The following GDPD5 variants were observed in gnomAD, a reference collection of about 807,000 sequenced individuals.
The protein encoded by GDPD5 is glycerophosphodiester phosphodiesterase 2.
GDPD5 carries 48 observed loss-of-function variants against 75.1 expected under a neutral mutation model. The observed-to-expected ratio is 0.64, with a 90% confidence interval of 0.51 to 0.81. GDPD5 has a LOEUF of 0.81. Among genes scored for constraint, GDPD5 ranks in the 40% least tolerant of loss-of-function variants. The pLI is 0.00. For synonymous variants in GDPD5, 336 were observed against 339.0 expected, an observed-to-expected ratio of 0.99 and a Z score of 0.10; for missense variants, 706 against 822.6, an observed-to-expected ratio of 0.86 and a Z score of 1.73.
intron 15 of GDPD5, chr11:75,438,418 C>G (rs1313174654): frequency 6.6e-6 from 1 of 152,244 alleles, no homozygotes; most frequent in Non-Finnish European, 1.5e-5. Flanking sequence ...GTGTCTGTGC[C>G]AGCCACTGAA....
In GDPD5 at chr11:75,444,443, A is replaced by T; in HGVS notation, c.767T>A (p.Leu256Gln). Residue 256 changes from leucine to glutamine, a missense_variant, in exon 10 of 17, where the codon CTG becomes CAG. Coordinates refer to ENST00000336898, the MANE Select transcript of GDPD5 (RefSeq NM_030792.8). ...MSFRKALEQK[L>Q]YGLQADITIS... Reference sequence around the variant, plus strand: ...GGTAATGTCAGCCTGGAGCCCGTACAGCTTCTGCTCGAGGGCCTTCCGGAA... The same window carrying T: ...GGTAATGTCAGCCTGGAGCCCGTACTGCTTCTGCTCGAGGGCCTTCCGGAA... The T allele has an allele frequency of 6.2e-7, 1 of 1,613,856 alleles. No individual in the cohort carries two copies. The highest frequency in any genetic ancestry group is 8.5e-7 in the Non-Finnish European group (1 of 1,179,856).
chr11:75,522,285 A>G (rs779374275), intron 1 of GDPD5, among the ~76,000 whole-genome samples: 2 of 152,176 alleles, frequency 1.3e-5, no homozygotes, highest in Non-Finnish European at 2.9e-5. Context: ...GCCTGATGGG[A>G]TCATGTGTCT....
At position 75,458,528 on chromosome 11, in the gene GDPD5, C is replaced by T. The variant is rs572141901; in HGVS notation, c.222-742G>A. On this transcript the variant is annotated intron_variant, in intron 4 of 16. Coordinates refer to ENST00000336898, the MANE Select transcript of GDPD5 (RefSeq NM_030792.8). ...TCTACTAAAAATACAAAAAATTAGC[C>T]GGGCGTTGTGGCAGGCGTCTGTAGT... Among the ~76,000 whole-genome samples the T allele has an allele frequency of 8.8e-3, 1,336 of 152,026 alleles. 26 individuals carry two copies. Among genetic ancestry groups the T allele is most frequent in the African/African-American group, 0.031 (1,276 of 41,466 alleles).
intron 1 of GDPD5, among the ~76,000 whole-genome samples, chr11:75,496,636 G>T (rs1747619090): frequency 6.6e-6 from 1 of 152,084 alleles, no homozygotes; most frequent in Non-Finnish European, 1.5e-5. Flanking sequence ...ACAGTGCCGA[G>T]GGCCCATCTA....
intron 2 of GDPD5, among the ~76,000 whole-genome samples, chr11:75,480,219 C>T (rs533310673): frequency 7.2e-5 from 11 of 151,866 alleles, no homozygotes; most frequent in Non-Finnish European, 1.3e-4. Flanking sequence ...CCTGTAATCC[C>T]AGCTACTCGG....
chr11:75,443,261 G>C lies in GDPD5; in HGVS notation c.823C>G (p.His275Asp). 1 of 1,610,552 alleles carries C rather than the reference G, an allele frequency of 6.2e-7. No homozygotes were observed. The highest frequency in any genetic ancestry group is 1.3e-5 in the African/African-American group (1 of 75,034). Residue 275 changes from histidine to aspartate, a missense_variant, in exon 11 of 17, where the codon CAT becomes GAT. By Grantham distance (81) the His-to-Asp change is moderately conservative. Transcript: ENST00000336898. Reference sequence around the variant, plus strand: ...GTGGTGCGCCGCAGGGTGGTGTCATGCATGAGGAAGGGCACGCCGTCCAGG... The same window carrying C: ...GTGGTGCGCCGCAGGGTGGTGTCATCCATGAGGAAGGGCACGCCGTCCAGG... ...ISLDGVPFLMHDTTLRRTTNV... is the reference protein window; with the variant it reads ...ISLDGVPFLMDDTTLRRTTNV...
intron 1 of GDPD5, among the ~76,000 whole-genome samples, chr11:75,524,249 C>T (rs545575328): frequency 2.6e-5 from 4 of 152,362 alleles, no homozygotes; most frequent in Admixed American, 2.6e-4. Context: ...AAAGGCAATG[C>T]GGTTGCAGGC....
At chr11:75,472,595 G>T (rs1003276960) in intron 3 of GDPD5, among the ~76,000 whole-genome samples, 4 of 152,018 alleles carry the variant, frequency 2.6e-5, no homozygotes, top group African/African-American at 9.7e-5. Flanking sequence ...GCACACACCC[G>T]TCCGCACATG....
chr11:75,473,801 G>A (rs1266332206), intron 3 of GDPD5, among the ~76,000 whole-genome samples: 1 of 152,134 alleles, frequency 6.6e-6, no homozygotes, highest in Non-Finnish European at 1.5e-5. Flanking sequence ...CACTTCCCTG[G>A]TCTGTGGAGA....
intron 3 of GDPD5, among the ~76,000 whole-genome samples, chr11:75,472,903 G>C (rs955660813): frequency 6.6e-6 from 1 of 152,092 alleles, no homozygotes; most frequent in African/African-American, 2.4e-5. Flanking sequence ...GGTGGGGAGA[G>C]AGAGCAGTGA....
chr11:75,477,405 A>G (rs1316451454), intron 3 of GDPD5, among the ~76,000 whole-genome samples: 1 of 152,244 alleles, frequency 6.6e-6, no homozygotes, highest in African/African-American at 2.4e-5. Context: ...AGAGTTAACA[A>G]CTTGTCAACA....
At chr11:75,464,026 G>T (rs1014591403) in intron 3 of GDPD5, among the ~76,000 whole-genome samples, 8 of 152,222 alleles carry the variant, frequency 5.3e-5, no homozygotes, top group Non-Finnish European at 1.0e-4. Context: ...ACCATGACCT[G>T]CTCACTGTGT....
At chr11:75,445,367 T>G (rs955206854) in intron 9 of GDPD5, among the ~76,000 whole-genome samples, 1 of 152,208 alleles carries the variant, frequency 6.6e-6, no homozygotes, top group Non-Finnish European at 1.5e-5. Flanking sequence ...TTGGGTATAT[T>G]TCTCTGTGGG....
At chr11:75,506,264 C>T (rs1462942902) in intron 1 of GDPD5, among the ~76,000 whole-genome samples, 2 of 152,164 alleles carry the variant, frequency 1.3e-5, no homozygotes, top group Non-Finnish European at 2.9e-5. Flanking sequence ...CCAGAAGACA[C>T]TCCCCCCAGG....
intron 1 of GDPD5, among the ~76,000 whole-genome samples, chr11:75,502,034 A>G (rs1411294001): frequency 5.3e-5 from 8 of 152,170 alleles, no homozygotes; most frequent in Non-Finnish European, 1.2e-4. Flanking sequence ...GCCCTCAGAA[A>G]TGGCTTCCTC....
chr11:75,439,718 T>C (rs1273116972), intron 15 of GDPD5, among the ~76,000 whole-genome samples, 161 bp downstream of exon 15: 1 of 152,084 alleles, frequency 6.6e-6, no homozygotes, highest in Non-Finnish European at 1.5e-5. Flanking sequence ...ACCCAGCCTC[T>C]GTCTGAGGGA....
At position 75,441,775 on chromosome 11, in the gene GDPD5, G is replaced by A. The variant is rs1253128070; in HGVS notation, c.1196C>T (p.Pro399Leu). 6 of 1,610,462 alleles carry A rather than the reference G, an allele frequency of 3.7e-6. No homozygotes were observed. Among genetic ancestry groups the A allele is most frequent in the African/African-American group, 1.3e-5 (1 of 74,910 alleles). Residue 399 changes from proline to leucine, a missense_variant, in exon 13 of 17, where the codon CCC becomes CTC. Coordinates refer to ENST00000336898, the MANE Select transcript of GDPD5 (RefSeq NM_030792.8). ...QVMWLPSRQR[P>L]LVRKVAPGFQ... ...GCCGGGAGCCACCTTCCGCACCAGG[G>A]GCCTCTGCCTGCTAGGCAGCCACAT...
Position 75,477,777 on chromosome 11 carries a change from T to A in GDPD5, c.-42A>T. ...CTGGCGCCTGGCCCTCAGGCGCCCATGGAGGCCCCCAGCTTGTCCTGCAGG... is the reference window on the plus strand; with the variant it reads ...CTGGCGCCTGGCCCTCAGGCGCCCAAGGAGGCCCCCAGCTTGTCCTGCAGG... On this transcript the variant is annotated 5_prime_UTR_variant, in exon 3 of 17. It removes an upstream start codon present in the reference 5' UTR. Transcript: ENST00000336898. 7.1e-7 allele frequency: 1 copy of A among 1,399,686 alleles called. No individual in the cohort carries two copies. Among genetic ancestry groups the A allele is most frequent in the Non-Finnish European group, 9.8e-7 (1 of 1,023,820 alleles). The allele number at this position is 1,399,686 out of a possible 1,614,324, so 86.7% of individuals were successfully genotyped here. A position where few individuals can be genotyped will look rare whatever the true frequency, so the allele number is the denominator to read the frequency against.
At position 75,443,305 on chromosome 11, in the gene GDPD5, C is replaced by T. The variant is rs1413639531; in HGVS notation, c.798-19G>A. 6.3e-7 allele frequency: 1 copy of T among 1,595,534 alleles called. No homozygotes were observed. The highest frequency in any genetic ancestry group is 1.7e-5 in the Admixed American group (1 of 57,396). On this transcript the variant is annotated intron_variant, in intron 10 of 16. Transcript: ENST00000336898. ...GTCCAGGCTGCAGGGAGGGTGGGGC[C>T]ACCGAGTCAGTGACCCCCCAGATCC...
Sources: allele counts gnomAD v4.1 joint callset (sites outside exome capture counted in the v4.1 genomes callset), GRCh38; gene constraint gnomAD v4.1.1; transcripts MANE v1.5; gene names NCBI Gene and HGNC (gene_info 2026-07-23, HGNC 2026-07-21).